Variants in CCZ1 observed in about 807,000 individuals in gnomAD.
CCZ1 encodes the protein vacuolar fusion protein CCZ1 homolog.
CCZ1 carries 19 observed loss-of-function variants against 57.8 expected under a neutral mutation model. The ratio of observed to expected loss-of-function variants is 0.33; its 90% CI spans 0.23 to 0.48. CCZ1 has a LOEUF of 0.48. CCZ1 is among the 20% of genes least tolerant of loss of function. CCZ1 has a pLI of 0.99. For synonymous variants in CCZ1, 81 were observed against 167.0 expected (o/e 0.49, Z 3.97); for missense variants, 200 against 492.0 (o/e 0.41, Z 5.61).
chr7:5,911,749 A>G (rs1438571429), intron 8 of CCZ1, 112 bp from the exon 9 acceptor site: 1 of 1,144,930 alleles, frequency 8.7e-7, no homozygotes, highest in Non-Finnish European at 1.2e-6. Context: ...CCTGTCTCTA[A>G]AAGAAAAAGA....
rs1296425469 is a variant in CCZ1 at position 5,916,725 on chromosome 7, C to T, written c.955-2142C>T. Among the ~76,000 whole-genome samples, 32 of 146,486 alleles carry T rather than the reference C, an allele frequency of 2.2e-4. 1 individual carries two copies. The highest frequency in any genetic ancestry group is 4.6e-4 in the Non-Finnish European group (31 of 67,404). On this transcript the variant is annotated intron_variant, in intron 10 of 14. Coordinates refer to ENST00000325974, the MANE Select transcript of CCZ1 (RefSeq NM_015622.6). ...GGTTGGCCACAGAGACACAGCTGGC[C>T]CCACATGGCCAGCCTTAGTCTCCAG...
intron 9 of CCZ1, among the ~76,000 whole-genome samples, 184 bp downstream of exon 9, chr7:5,912,106 C>T (rs1432770463): frequency 2.7e-5 from 4 of 150,020 alleles, no homozygotes; most frequent in African/African-American, 9.9e-5. Context: ...AGGCATGAGC[C>T]ACTATGCCTG....
intron 7 of CCZ1, among the ~76,000 whole-genome samples, 178 bp from the exon 8 acceptor site, chr7:5,909,857 G>C (rs1300368380): frequency 2.0e-5 from 3 of 151,294 alleles, no homozygotes; most frequent in Non-Finnish European, 4.4e-5. Flanking sequence ...TTGATCTCAG[G>C]TACAAAAATA....
At chr7:5,909,169 A>T (rs1781907430) in intron 7 of CCZ1, among the ~76,000 whole-genome samples, 1 of 147,296 alleles carries the variant, frequency 6.8e-6, no homozygotes, top group African/African-American at 2.5e-5. Flanking sequence ...AGCCTTTTGC[A>T]GGTCAGGATA....
At chr7:5,901,786 T>A in intron 5 of CCZ1, 82 bp downstream of exon 5, 1 of 1,538,028 alleles carries the variant, frequency 6.5e-7, no homozygotes, top group Non-Finnish European at 8.8e-7. Context: ...AAGAGAAATC[T>A]GTAAATGACT....
At chr7:5,911,483 T>G (rs1309497774) in intron 8 of CCZ1, among the ~76,000 whole-genome samples, 1 of 148,824 alleles carries the variant, frequency 6.7e-6, no homozygotes, top group African/African-American at 2.5e-5. Flanking sequence ...TTTGTAGAGA[T>G]GGGATCTCGT....
chr7:5,910,161 A>G (rs773299235), intron 8 of CCZ1, 45 bp downstream of exon 8: 2 of 1,522,838 alleles, frequency 1.3e-6, no homozygotes, highest in South Asian at 1.1e-5. Flanking sequence ...GCAGGGGCAC[A>G]GAGAGGGCAG....
chr7:5,920,721 C>G, intron 12 of CCZ1, among the ~76,000 whole-genome samples: 1 of 136,014 alleles, frequency 7.4e-6, no homozygotes, highest in African/African-American at 2.7e-5. Context: ...ATCCACCTGC[C>G]TCAGCCTCCC....
At chr7:5,901,880 A>G (rs1781693286) in intron 5 of CCZ1, 176 bp downstream of exon 5, 4 of 551,996 alleles carry the variant, frequency 7.2e-6, no homozygotes, top group Non-Finnish European at 1.3e-5. Flanking sequence ...ACATTTATTC[A>G]GTAAGTATTG....
At chr7:5,899,334 G>GTGTGTGTGTGTGTGTGTGT (rs1562536429) in intron 1 of CCZ1, among the ~76,000 whole-genome samples, 1 of 12,558 alleles carries the variant, frequency 8.0e-5, no homozygotes, top group Non-Finnish European at 1.9e-4. Flanking sequence ...TCGGGAGGGG[G>GTGTGTGTGTGTGTGTGTGT]GTGTGTGTGT....
chr7:5,912,702 C>T (rs1490513846), intron 9 of CCZ1, 141 bp from the exon 10 acceptor site: 34 of 963,504 alleles, frequency 3.5e-5, no homozygotes, highest in Non-Finnish European at 5.4e-5. Context: ...GCCCAGCCAG[C>T]ATATTCTGAT....
intron 7 of CCZ1, among the ~76,000 whole-genome samples, chr7:5,906,104 C>A (rs1206230940): frequency 6.8e-6 from 1 of 146,122 alleles, no homozygotes; most frequent in Non-Finnish European, 1.5e-5. Flanking sequence ...TTATATAAAC[C>A]AGGAAATTAC....
At chr7:5,905,304 A>C (rs1781784266) in intron 7 of CCZ1, 35 bp downstream of exon 7, 5 of 1,230,422 alleles carry the variant, frequency 4.1e-6, no homozygotes, top group Admixed American at 5.4e-5. Context: ...TTAAAAGAAG[A>C]AATTAAGATA....
At chr7:5,912,721 T>C (rs1374581917) in intron 9 of CCZ1, 122 bp from the exon 10 acceptor site, 17 of 1,167,728 alleles carry the variant, frequency 1.5e-5, no homozygotes, top group Non-Finnish European at 2.1e-5. Flanking sequence ...ATATGGTGTT[T>C]GCCAAATAGC....
chr7:5,905,665 C>T (rs1020346760), intron 7 of CCZ1, among the ~76,000 whole-genome samples: 20 of 139,860 alleles, frequency 1.4e-4, no homozygotes, highest in East Asian at 5.3e-4. Context: ...GCCTGTAATC[C>T]CAGCTACTCA....
intron 7 of CCZ1, among the ~76,000 whole-genome samples, chr7:5,907,583 G>C (rs1178658799): frequency 6.8e-6 from 1 of 146,322 alleles, no homozygotes; most frequent in Non-Finnish European, 1.5e-5. Context: ...CATTCTGGGA[G>C]ACCCTGGAGC....
chr7:5,906,966 C>T (rs1232298704), intron 7 of CCZ1, among the ~76,000 whole-genome samples: 1 of 148,880 alleles, frequency 6.7e-6, no homozygotes, highest in Non-Finnish European at 1.5e-5. Flanking sequence ...CTCCTGGGTT[C>T]AAGCAATTCT....
In CCZ1 at chr7:5,899,357, G is replaced by A. The variant is rs1217884017; in HGVS notation, c.120+438G>A. The stretch of plus-strand genomic sequence containing the variant: ...GGGGTGTGTGTGTGTGTGTGTGTGT[G>A]TGTGTGTGTGTGTGTGTGTGTGTGT... On this transcript the variant is annotated intron_variant, in intron 1 of 14. Coordinates refer to ENST00000325974, the MANE Select transcript of CCZ1 (RefSeq NM_015622.6). Among the ~76,000 whole-genome samples, 27 of 148,848 alleles carry A rather than the reference G, an allele frequency of 1.8e-4. 1 individual carries two copies. Among genetic ancestry groups the A allele is most frequent in the Non-Finnish European group, 3.6e-4 (24 of 66,470 alleles).
In CCZ1 at chr7:5,899,836, A is replaced by G. The variant is rs192034253; in HGVS notation, c.121-448A>G. On this transcript the variant is annotated intron_variant, in intron 1 of 14. Coordinates refer to ENST00000325974, the MANE Select transcript of CCZ1 (RefSeq NM_015622.6). ...GACTGGATTTAATTTTCAGGGAGCTATGTGTCTGCAGATGGGCACACCTTT... is the reference window on the plus strand; with the variant it reads ...GACTGGATTTAATTTTCAGGGAGCTGTGTGTCTGCAGATGGGCACACCTTT... Among the ~76,000 whole-genome samples, 885 of 151,590 alleles carry G rather than the reference A, an allele frequency of 5.8e-3. 12 individuals are homozygous for G. Among genetic ancestry groups the G allele is most frequent in the African/African-American group, 0.021 (850 of 41,114 alleles).
Sources: allele counts gnomAD v4.1 joint callset (sites outside exome capture counted in the v4.1 genomes callset), GRCh38; gene constraint gnomAD v4.1.1; transcripts MANE v1.5; gene names NCBI Gene and HGNC (gene_info 2026-07-23, HGNC 2026-07-21).